Variants in HDAC9 observed in about 807,000 individuals in gnomAD.
The protein encoded by HDAC9 is MEF-2 interacting transcription repressor (MITR) protein.
In HDAC9, 41 loss-of-function variants were observed where a neutral mutation model predicts 139.4. The ratio of observed to expected loss-of-function variants is 0.29; its 90% confidence interval spans 0.23 to 0.38. HDAC9 has a LOEUF of 0.38. Ranked by LOEUF, HDAC9 falls within the 10% of genes least tolerant of loss-of-function variation. The pLI is 1.00. For synonymous variants in HDAC9, 517 were observed against 476.2 expected (o/e 1.09, Z -1.12); for missense variants, 1,147 against 1,297.0 (o/e 0.88, Z 1.78).
At chr7:18,980,726 CCTTCTT>C (rs747058445) in intron 25 of HDAC9, among the ~76,000 whole-genome samples, 2,094 of 133,234 alleles carry the variant, frequency 0.016, 57 homozygotes, top group African/African-American at 0.052. Flanking sequence ...TCTTCTTCTT[CCTTCTT>C]CTTCTTCTTC....
At chr7:18,644,123 A>G (rs1786599637) in intron 8 of HDAC9, among the ~76,000 whole-genome samples, 1 of 152,140 alleles carries the variant, frequency 6.6e-6, no homozygotes, top group African/African-American at 2.4e-5. Context: ...CTGAATATGA[A>G]TGATCTAAAA....
intron 2 of HDAC9, among the ~76,000 whole-genome samples, chr7:18,577,222 T>G (rs905396671): frequency 6.6e-5 from 10 of 152,222 alleles, no homozygotes; most frequent in African/African-American, 2.4e-4. Context: ...TCTGCCACAC[T>G]GCTTGTTTTG....
chr7:18,287,119 A>G (rs1797500154), upstream of HDAC9, among the ~76,000 whole-genome samples: 2 of 152,284 alleles, frequency 1.3e-5, no homozygotes, highest in Middle Eastern at 6.8e-3. Context: ...GCCCATTTTA[A>G]TGGTAGTTTT....
chr7:18,255,776 G>A lies in HDAC9; in HGVS notation c.25+93427G>A, dbSNP rs141845768. Among the ~76,000 whole-genome samples, 230 of 151,934 alleles carry A rather than the reference G, an allele frequency of 1.5e-3. 1 individual carries two copies. Among genetic ancestry groups the A allele is most frequent in the African/African-American group, 5.3e-3 (219 of 41,452 alleles). On this transcript the variant is annotated intron_variant, in intron 2 of 12. Transcript: ENST00000417496. ...CCTAGGTAGCTGGGATTACAGGCAC[G>A]CACCATCACGCCCAGCTAATTTTTG...
chr7:18,284,097 G>A (rs1172778097), intron 2 of HDAC9, among the ~76,000 whole-genome samples: 3 of 152,128 alleles, frequency 2.0e-5, no homozygotes, highest in African/African-American at 7.2e-5. Flanking sequence ...AGAAGTCCAG[G>A]AGGCCACCAA....
Position 18,899,691 on chromosome 7 carries a change from T to G in HDAC9, c.2803+25095T>G, listed in dbSNP as rs1260772451. Among the ~76,000 whole-genome samples, 3 of 151,950 alleles carry G rather than the reference T, an allele frequency of 2.0e-5. No individual in the cohort carries two copies. The East Asian group carries it at 5.8e-4, about 29-fold the overall frequency. ...ACAGTCTTTAAAAATCTATAAGCCT[T>G]GAACTATTCAATGTAATTTGTTATT... On this transcript the variant is annotated intron_variant, in intron 22 of 25. Transcript: ENST00000686413.
intron 2 of HDAC9, among the ~76,000 whole-genome samples, chr7:18,266,802 A>G (rs1300736708): frequency 3.3e-5 from 5 of 152,166 alleles, no homozygotes; most frequent in African/African-American, 1.2e-4. Context: ...GTGAGAAAAC[A>G]TATAACATCT....
intron 1 of HDAC9, among the ~76,000 whole-genome samples, chr7:18,408,975 G>A (rs962394466): frequency 5.3e-5 from 8 of 152,084 alleles, no homozygotes; most frequent in African/African-American, 7.2e-5. Flanking sequence ...AATCAAATCC[G>A]TTTTTAGACT....
At chr7:18,724,198 T>C (rs1785354013) in intron 12 of HDAC9, among the ~76,000 whole-genome samples, 1 of 152,170 alleles carries the variant, frequency 6.6e-6, no homozygotes, top group Admixed American at 6.6e-5. Flanking sequence ...TTTCATATCA[T>C]CCCGAATTTT....
chr7:18,318,808 G>C (rs2128633115), intron 1 of HDAC9, among the ~76,000 whole-genome samples: 1 of 152,146 alleles, frequency 6.6e-6, no homozygotes, highest in African/African-American at 2.4e-5. Context: ...TGATAAGGGG[G>C]GATAATACTC....
intron 1 of HDAC9, among the ~76,000 whole-genome samples, chr7:18,438,111 T>A (rs1218061582): frequency 6.7e-6 from 1 of 149,908 alleles, no homozygotes; most frequent in Admixed American, 6.6e-5. Flanking sequence ...GCTAAATATT[T>A]ATATATTAAA....
At chr7:18,774,191 A>T (rs1713172571) in intron 16 of HDAC9, among the ~76,000 whole-genome samples, 1 of 152,068 alleles carries the variant, frequency 6.6e-6, no homozygotes, top group African/African-American at 2.4e-5. Context: ...AGTAAAATAA[A>T]GGAATTAAAT....
chr7:18,165,201 T>C (rs1231381825), intron 2 of HDAC9, among the ~76,000 whole-genome samples: 3 of 152,162 alleles, frequency 2.0e-5, no homozygotes, highest in African/African-American at 7.2e-5. Flanking sequence ...ACATGTCAGA[T>C]AGTAAAAATC....
chr7:18,953,486 T>A (rs953547800), intron 23 of HDAC9, among the ~76,000 whole-genome samples: 4 of 152,094 alleles, frequency 2.6e-5, no homozygotes, highest in Admixed American at 6.6e-5. Flanking sequence ...CATGAAAAAT[T>A]AGTGTAATTC....
intron 1 of HDAC9, among the ~76,000 whole-genome samples, chr7:18,150,063 T>C (rs1470574418): frequency 1.4e-5 from 2 of 141,406 alleles, no homozygotes; most frequent in East Asian, 2.1e-4. Context: ...GATTTGTCTT[T>C]GCACTTTATT....
chr7:18,569,408 C>A (rs1823517972), intron 2 of HDAC9, among the ~76,000 whole-genome samples: 1 of 152,176 alleles, frequency 6.6e-6, no homozygotes, highest in Non-Finnish European at 1.5e-5. Flanking sequence ...GACCCATGAG[C>A]CACAGTTTCC....
At chr7:18,926,783 T>A (rs894770695) in intron 22 of HDAC9, among the ~76,000 whole-genome samples, 4 of 152,226 alleles carry the variant, frequency 2.6e-5, no homozygotes, top group Admixed American at 6.5e-5. Context: ...AGACTTTTTT[T>A]AGGATACAAT....
intron 24 of HDAC9, among the ~76,000 whole-genome samples, chr7:18,960,390 A>C (rs573919485): frequency 6.6e-6 from 1 of 151,984 alleles, no homozygotes; most frequent in South Asian, 2.1e-4. Context: ...CCTCTATGTT[A>C]TTGTTATTCT....
At chr7:18,995,092 T>A (rs1455853484) in intron 25 of HDAC9, among the ~76,000 whole-genome samples, 1 of 152,220 alleles carries the variant, frequency 6.6e-6, no homozygotes, top group Admixed American at 6.5e-5. Context: ...CAATTTTACC[T>A]CCTTTATTTT....
Sources: allele counts gnomAD v4.1 joint callset (sites outside exome capture counted in the v4.1 genomes callset), GRCh38; gene constraint gnomAD v4.1.1; transcripts MANE v1.5; gene names NCBI Gene and HGNC (gene_info 2026-07-23, HGNC 2026-07-21).